AFF1: variants seen among roughly 807,000 people sequenced by gnomAD.
AFF1 encodes the protein ALF transcription elongation factor 1.
Under a neutral mutation model 121.7 loss-of-function variants are expected in AFF1, and 48 were observed. That is an observed-to-expected ratio of 0.39 (90% CI 0.31 to 0.50). AFF1 has a LOEUF of 0.50. Among genes scored for constraint, AFF1 ranks in the 20% least tolerant of loss-of-function variants. The probability of loss-of-function intolerance (pLI) is 0.76; values close to 1 mark genes in which losing one functional copy is unlikely to be tolerated. For missense variants in AFF1, 1,523 were observed against 1,511.7 expected, an observed-to-expected ratio of 1.01 and a Z score of -0.12; for synonymous variants, 613 against 563.0, an observed-to-expected ratio of 1.09 and a Z score of -1.26.
At chr4:86,948,425 C>T in intron 1 of AFF1, 73 bp from the exon 2 acceptor site, 1 of 991,216 alleles carries the variant, frequency 1.0e-6, no homozygotes. Context: ...AATAAAGCTT[C>T]TTACAGGTCA....
At chr4:87,093,222 G>T (rs139645534) in intron 7 of AFF1, among the ~76,000 whole-genome samples, 12 of 152,118 alleles carry the variant, frequency 7.9e-5, no homozygotes, top group Admixed American at 7.2e-4. Flanking sequence ...ACATTGGTGG[G>T]TCTCCTGGAG....
intron 2 of AFF1, among the ~76,000 whole-genome samples, chr4:87,025,337 T>C (rs1728418373): frequency 6.6e-6 from 1 of 152,222 alleles, no homozygotes; most frequent in Admixed American, 6.5e-5. Context: ...TTGGTACAAT[T>C]CTCATCTCTA....
At chr4:86,935,413 C>G (rs1352937434) in intron 1 of AFF1, 173 bp downstream of exon 1, 1 of 152,170 alleles carries the variant, frequency 6.6e-6, no homozygotes, top group African/African-American at 2.4e-5. Flanking sequence ...TCGGGGAGAA[C>G]GGGCTAGGGC....
At chr4:86,963,415 A>G (rs1370987148) in intron 2 of AFF1, among the ~76,000 whole-genome samples, 1 of 152,048 alleles carries the variant, frequency 6.6e-6, no homozygotes, top group Non-Finnish European at 1.5e-5. Context: ...GGGAAGAAAA[A>G]CTGGTACCAT....
intron 2 of AFF1, among the ~76,000 whole-genome samples, chr4:87,006,149 A>G (rs1274850959): frequency 6.6e-6 from 1 of 152,190 alleles, no homozygotes; most frequent in African/African-American, 2.4e-5. Flanking sequence ...CTATCTCTTT[A>G]TGAGACGGGC....
At chr4:87,032,656 T>A (rs1374424316) in intron 2 of AFF1, among the ~76,000 whole-genome samples, 1 of 152,226 alleles carries the variant, frequency 6.6e-6, no homozygotes, top group South Asian at 2.1e-4. Context: ...GCAGCCTGTT[T>A]AAAATGTAAT....
intron 2 of AFF1, among the ~76,000 whole-genome samples, chr4:86,983,739 CAAAT>C: frequency 6.9e-6 from 1 of 144,286 alleles, no homozygotes; most frequent in African/African-American, 2.6e-5. Context: ...AAACAAAAAA[CAAAT>C]AAAATACTTT....
At chr4:87,000,987 ATAATTC>A (rs140730034) in intron 2 of AFF1, among the ~76,000 whole-genome samples, 4,710 of 152,202 alleles carry the variant, frequency 0.031, 228 homozygotes, top group African/African-American at 0.11. Context: ...ATCTCATTTC[ATAATTC>A]TAATTTGTAT....
At position 87,060,835 on chromosome 4, in the gene AFF1, C is replaced by CAAA. The variant is rs749186199; in HGVS notation, c.1059+13271_1059+13273dup. On this transcript the variant is annotated intron_variant, in intron 4 of 20. Transcript: ENST00000395146. ...GCCTGGCGAGAGTGAGACTCTGTCT[C>CAAA]AAAAAAAAAAAAAAAAAAAAAAAAA... Among the ~76,000 whole-genome samples, 121 of 62,190 alleles carry CAAA rather than the reference C, an allele frequency of 1.9e-3. 3 individuals are homozygous for CAAA. The highest frequency in any genetic ancestry group is 3.3e-3 in the Non-Finnish European group (102 of 31,270). 40.8% of individuals were successfully genotyped at this position (62,190 alleles called of 152,430 possible). A position where few individuals can be genotyped will look rare whatever the true frequency, so the allele number is the denominator to read the frequency against.
intron 2 of AFF1, among the ~76,000 whole-genome samples, chr4:86,986,038 T>TTTAAA (rs1560519102): frequency 7.8e-6 from 1 of 128,790 alleles, no homozygotes; most frequent in Non-Finnish European, 1.6e-5. Flanking sequence ...TTTAATTCAA[T>TTTAAA]TCAATTTAAT....
intron 11 of AFF1, among the ~76,000 whole-genome samples, chr4:87,109,748 T>C (rs1038576655): frequency 1.3e-5 from 2 of 152,240 alleles, no homozygotes; most frequent in East Asian, 1.9e-4. Context: ...TTTGTAGTAA[T>C]GAGACATAGA....
chr4:87,036,456 T>C (rs886198654), intron 2 of AFF1, among the ~76,000 whole-genome samples: 3 of 152,176 alleles, frequency 2.0e-5, no homozygotes, highest in Non-Finnish European at 4.4e-5. Flanking sequence ...CTGGCCTTGC[T>C]CACTCAGTAC....
At chr4:86,944,162 AAG>A (rs1421052758) in intron 1 of AFF1, among the ~76,000 whole-genome samples, 5 of 144,884 alleles carry the variant, frequency 3.5e-5, no homozygotes, top group Non-Finnish European at 7.5e-5. Flanking sequence ...AAAAAAAAAA[AAG>A]TCTTCCCTAG....
At chr4:87,071,263 T>C (rs1328191760) in intron 4 of AFF1, among the ~76,000 whole-genome samples, 1 of 151,980 alleles carries the variant, frequency 6.6e-6, no homozygotes, top group East Asian at 1.9e-4. Context: ...TTTGGTAAAT[T>C]ATTTATTAAG....
chr4:87,047,936 T>C, intron 4 of AFF1: 1 of 285,220 alleles, frequency 3.5e-6, no homozygotes, highest in Non-Finnish European at 6.8e-6. Context: ...GAGAGAAGAT[T>C]TCGGTTACCA....
intron 4 of AFF1, among the ~76,000 whole-genome samples, chr4:87,074,393 T>C (rs371631703): frequency 6.6e-6 from 1 of 152,214 alleles, no homozygotes; most frequent in Non-Finnish European, 1.5e-5. Context: ...GGGCCTCATG[T>C]GGTCTTTCAT....
chr4:86,982,275 C>A (rs1039521795), intron 2 of AFF1, among the ~76,000 whole-genome samples: 2 of 151,662 alleles, frequency 1.3e-5, no homozygotes, highest in South Asian at 4.2e-4. Flanking sequence ...GGAAGTTGAT[C>A]CATACTTAGC....
rs1471413432 is a variant in AFF1 at position 87,126,083 on chromosome 4, T to C, written c.2574-16T>C. 1 of 1,612,124 alleles carries C rather than the reference T, an allele frequency of 6.2e-7. No individual in the cohort carries two copies. On this transcript the variant is annotated splice_polypyrimidine_tract_variant and intron_variant, in intron 13 of 20. Transcript: ENST00000395146. ...TACTTTGCCTCCTCTTAGTTTTACG[T>C]GATGTTTCACTCCAGGCCCTCCAGG...
intron 2 of AFF1, among the ~76,000 whole-genome samples, chr4:87,006,039 C>T (rs917326832): frequency 6.6e-6 from 1 of 152,148 alleles, no homozygotes; most frequent in Non-Finnish European, 1.5e-5. Flanking sequence ...CTTTGAGAAC[C>T]CTTGATAGAG....
Sources: gnomAD v4.1 joint callset for allele counts (sites outside exome capture counted in the v4.1 genomes callset) on GRCh38, gnomAD v4.1.1 for gene constraint, MANE v1.5 for transcripts, NCBI Gene and HGNC (gene_info 2026-07-23, HGNC 2026-07-21) for gene names.